The following CLEC16A variants were observed in gnomAD, a reference collection of about 807,000 sequenced individuals.
CLEC16A encodes the protein protein CLEC16A.
Under a neutral mutation model 109.5 loss-of-function variants are expected in CLEC16A, and 51 were observed. The observed-to-expected ratio is 0.47, with a 90% CI of 0.37 to 0.59. CLEC16A has a LOEUF of 0.59. CLEC16A is among the 20% of genes least tolerant of loss of function. CLEC16A has a pLI of 0.00. For synonymous variants in CLEC16A, 673 were observed against 564.2 expected (o/e 1.19, Z -2.73); for missense variants, 1,339 against 1,394.0 (o/e 0.96, Z 0.63).
At chr16:11,061,201 C>T (rs943925455) in intron 19 of CLEC16A, among the ~76,000 whole-genome samples, 179 bp downstream of exon 19, 1 of 152,126 alleles carries the variant, frequency 6.6e-6, no homozygotes. Context: ...AGAAAAGGCC[C>T]CTGGGTTCTC....
chr16:11,048,710 G>A (rs542371924), intron 17 of CLEC16A, among the ~76,000 whole-genome samples: 18 of 152,136 alleles, frequency 1.2e-4, no homozygotes, highest in Admixed American at 5.2e-4. Flanking sequence ...CCAGGCCCCC[G>A]TGGGCTGCTC....
chr16:11,025,609 G>A (rs1428511424), intron 13 of CLEC16A, among the ~76,000 whole-genome samples: 1 of 152,126 alleles, frequency 6.6e-6, no homozygotes, highest in African/African-American at 2.4e-5. Context: ...TCTAACCCCT[G>A]CCAAGAGCTA....
At chr16:11,143,245 T>C (rs2053918978) in intron 22 of CLEC16A, among the ~76,000 whole-genome samples, 1 of 152,200 alleles carries the variant, frequency 6.6e-6, no homozygotes. Context: ...AATGCATTTA[T>C]AATACAGAGC....
At chr16:11,120,912 C>CA (rs370197065) in intron 20 of CLEC16A, 146 bp downstream of exon 20, 41 of 886,924 alleles carry the variant, frequency 4.6e-5, no homozygotes, top group Middle Eastern at 3.8e-4. Context: ...AATTGTCACC[C>CA]AAAAAAAAGC....
At chr16:10,948,117 T>A (rs187729009) in intron 1 of CLEC16A, among the ~76,000 whole-genome samples, 23 of 152,284 alleles carry the variant, frequency 1.5e-4, no homozygotes, top group African/African-American at 5.1e-4. Flanking sequence ...ATGGTCTCGA[T>A]CTCCTGACCT....
At chr16:10,964,477 C>G (rs1186622259) in intron 3 of CLEC16A, among the ~76,000 whole-genome samples, 1 of 152,240 alleles carries the variant, frequency 6.6e-6, no homozygotes, top group Non-Finnish European at 1.5e-5. Flanking sequence ...GTTTGTGCAT[C>G]TGTCAAGAGG....
intron 19 of CLEC16A, among the ~76,000 whole-genome samples, chr16:11,103,699 A>G (rs1367146977): frequency 6.6e-6 from 1 of 151,880 alleles, no homozygotes; most frequent in Non-Finnish European, 1.5e-5. Context: ...CTCTTGTCCC[A>G]TGGCATGTAA....
intron 1 of CLEC16A, among the ~76,000 whole-genome samples, chr16:10,956,654 T>C (rs988701072): frequency 2.0e-5 from 3 of 152,224 alleles, no homozygotes; most frequent in African/African-American, 7.2e-5. Flanking sequence ...TGCTCAGGAC[T>C]GGCCTCGGTG....
chr16:11,135,428 G>T (rs79078433), intron 22 of CLEC16A, among the ~76,000 whole-genome samples: 8,428 of 152,278 alleles, frequency 0.055, 313 homozygotes, highest in Middle Eastern at 0.092. Context: ...AGTAGCACTT[G>T]TCATGGGGAG....
intron 22 of CLEC16A, among the ~76,000 whole-genome samples, chr16:11,160,721 T>C (rs77615775): frequency 0.088 from 13,350 of 152,290 alleles, 627 homozygotes; most frequent in East Asian, 0.11. Flanking sequence ...AAGGGGAAGT[T>C]AATTTCCCTC....
intron 11 of CLEC16A, among the ~76,000 whole-genome samples, chr16:11,010,265 G>A (rs2045319016): frequency 6.6e-6 from 1 of 152,108 alleles, no homozygotes; most frequent in Non-Finnish European, 1.5e-5. Flanking sequence ...TTTAGTACTT[G>A]AATACCTCTT....
chr16:11,023,332 T>C lies in CLEC16A; in HGVS notation c.1437-1489T>C, dbSNP rs185071131. Among the ~76,000 whole-genome samples the C allele has an allele frequency of 7.9e-5, 12 of 152,310 alleles. No individual in the cohort carries two copies. In the East Asian group the frequency reaches 1.9e-3, roughly 24 times the overall value. ...CCAGCTATTGGCATTTGGTTATTCATATTATTCCCAAATGAAAATATAATC... is the reference window on the plus strand; with the variant it reads ...CCAGCTATTGGCATTTGGTTATTCACATTATTCCCAAATGAAAATATAATC... On this transcript the variant is annotated intron_variant, in intron 12 of 23. Coordinates refer to ENST00000409790, the MANE Select transcript of CLEC16A (RefSeq NM_015226.3).
rs1349010677 is a variant in CLEC16A, at chr16:11,124,025, G to C, written c.2473+79G>C. The C allele has an allele frequency of 3.1e-6, 4 of 1,291,994 alleles. No homozygotes were observed. The Admixed American group carries it at 8.2e-5, about 26-fold the overall frequency. The allele number at this position is 1,291,994 out of a possible 1,614,324, so 80.0% of individuals were successfully genotyped here. A position where few individuals can be genotyped will look rare whatever the true frequency, so the allele number is the denominator to read the frequency against. On this transcript the variant is annotated intron_variant, in intron 21 of 23. Transcript: ENST00000409790. ...TGTTTGTAGTTCTCACACTGACCTT[G>C]AGAACCCCCATAGCATAGAAGAAGA... is the stretch of plus-strand genomic sequence containing the variant.
At chr16:11,156,507 G>A in intron 22 of CLEC16A, 1 of 965,416 alleles carries the variant, frequency 1.0e-6, no homozygotes. Context: ...GCTGGGGTCA[G>A]TGAGCGCCTG....
chr16:10,959,510 G>C (rs773074083), intron 2 of CLEC16A, among the ~76,000 whole-genome samples: 1 of 152,140 alleles, frequency 6.6e-6, no homozygotes, highest in African/African-American at 2.4e-5. Flanking sequence ...TCCTACCTCA[G>C]CCTCTGGAGT....
intron 18 of CLEC16A, among the ~76,000 whole-genome samples, chr16:11,060,292 T>A (rs2048410289): frequency 6.6e-6 from 1 of 152,044 alleles, no homozygotes; most frequent in Admixed American, 6.5e-5. Flanking sequence ...GCACACCCCC[T>A]GTCGTAAGAC....
chr16:11,042,097 G>C (rs2047367550), intron 14 of CLEC16A, 157 bp from the exon 15 acceptor site: 2 of 596,988 alleles, frequency 3.4e-6, no homozygotes. Context: ...AATGGTTTGG[G>C]CATGGGGGGT....
intron 13 of CLEC16A, among the ~76,000 whole-genome samples, chr16:11,037,026 C>T (rs983049342): frequency 1.3e-5 from 2 of 152,194 alleles, no homozygotes; most frequent in South Asian, 2.1e-4. Flanking sequence ...TGACAGCAGT[C>T]GTGGGGCGGG....
intron 13 of CLEC16A, chr16:11,027,503 C>A: frequency 6.3e-7 from 1 of 1,584,582 alleles, no homozygotes; most frequent in Non-Finnish European, 8.6e-7. Context: ...AAGCCAAGGT[C>A]AAGAGTAAGA....
Sources: gnomAD v4.1 joint callset for allele counts (sites outside exome capture counted in the v4.1 genomes callset) on GRCh38, gnomAD v4.1.1 for gene constraint, MANE v1.5 for transcripts, NCBI Gene and HGNC (gene_info 2026-07-23, HGNC 2026-07-21) for gene names.